GAS6: variants seen among roughly 807,000 people sequenced by gnomAD.
The protein encoded by GAS6 is growth arrest specific 6.
A neutral mutation model predicts 75.8 loss-of-function variants in GAS6; 41 were observed. That is an observed-to-expected ratio of 0.54 (90% CI 0.42 to 0.70). The LOEUF is 0.70. Ranked by LOEUF, GAS6 falls within the 30% of genes least tolerant of loss-of-function variation. The pLI is 0.00. For synonymous variants in GAS6, 432 were observed against 412.6 expected (o/e 1.05, Z -0.57); for missense variants, 854 against 940.2 (o/e 0.91, Z 1.20).
intron 12 of GAS6, among the ~76,000 whole-genome samples, chr13:113,825,580 G>C (rs1314435905): frequency 6.6e-6 from 1 of 152,216 alleles, no homozygotes; most frequent in African/African-American, 2.4e-5. Flanking sequence ...GCAGTCACTG[G>C]AAATGGCCCC....
intron 12 of GAS6, among the ~76,000 whole-genome samples, chr13:113,826,500 CCGGCCTCG>C (rs2051544989): frequency 1.1e-4 from 11 of 97,300 alleles, no homozygotes; most frequent in South Asian, 4.5e-4. Context: ...CCTCCCGGCG[CCGGCCTCG>C]CAGGCACCTT....
intron 14 of GAS6, chr13:113,821,660 CG>C: frequency 2.4e-6 from 1 of 419,604 alleles, no homozygotes; most frequent in African/African-American, 2.0e-5. Flanking sequence ...CCCTCTCCCC[CG>C]GGGCTGGTCT....
At chr13:113,855,350 G>A (rs2051906002) in intron 2 of GAS6, among the ~76,000 whole-genome samples, 1 of 152,210 alleles carries the variant, frequency 6.6e-6, no homozygotes, top group Non-Finnish European at 1.5e-5. Context: ...CCCTCAATAA[G>A]CTACCGGCCT....
chr13:113,823,158 C>T (rs1445934687), intron 13 of GAS6: 4 of 495,454 alleles, frequency 8.1e-6, no homozygotes, highest in Non-Finnish European at 7.1e-6. Flanking sequence ...TCGCAGGCGC[C>T]GGCCCCCTCA....
chr13:113,835,399 G>C, intron 7 of GAS6, 114 bp downstream of exon 7: 1 of 1,237,162 alleles, frequency 8.1e-7, no homozygotes, highest in East Asian at 2.3e-5. Context: ...GGGAGAAAGA[G>C]ACTTTCTTTC....
chr13:113,821,635 C>T (rs952855690), intron 14 of GAS6: 2 of 370,416 alleles, frequency 5.4e-6, no homozygotes, highest in African/African-American at 4.1e-5. Context: ...GCAGCCTGGC[C>T]CGAGGTCTGC....
At position 113,821,055 on chromosome 13, in the gene GAS6, C is replaced by A. The variant is rs1334742271; in HGVS notation, c.1883-37G>T. On this transcript the variant is annotated intron_variant, in intron 14 of 14. Coordinates refer to ENST00000327773, the MANE Select transcript of GAS6 (RefSeq NM_000820.4). ...GGAGAGAACAACATATCTTAGCTCA[C>A]CACGTGGCCGGCCCCGCCTGGCCCC... 4 of 1,596,320 alleles carry A rather than the reference C, an allele frequency of 2.5e-6. No individual in the cohort carries two copies. The Admixed American group carries it at 5.0e-5, about 20-fold the overall frequency.
Position 113,823,480 on chromosome 13 carries a change from G to A in GAS6, c.1548C>T (p.Ala516=), listed in dbSNP as rs149090898. 9 of 1,612,804 alleles carry A rather than the reference G, an allele frequency of 5.6e-6. No homozygotes were observed. Among genetic ancestry groups the A allele is most frequent in the South Asian group, 2.2e-5 (2 of 91,070 alleles). ...EVEVVAHIRP[A]ADTGVLFALW... is the part of the protein sequence containing the mutation. Reference sequence around the variant, plus strand: ...GCGCAAACAGCACGCCTGTGTCTGCGGCTGGGCGGATGTGAGCCACGACTT... The same window carrying A: ...GCGCAAACAGCACGCCTGTGTCTGCAGCTGGGCGGATGTGAGCCACGACTT... The change falls in exon 13 of 15, where the codon GCC becomes GCT. Residue 516 remains alanine, a synonymous_variant. Transcript: ENST00000327773.
At chr13:113,840,023 A>T in intron 4 of GAS6, 173 bp from the exon 5 acceptor site, 2 of 884,768 alleles carry the variant, frequency 2.3e-6, no homozygotes, top group Non-Finnish European at 3.4e-6. Context: ...CCTAGGGCTG[A>T]CAGAATAGGC....
chr13:113,832,785 T>G (rs2051646207), intron 8 of GAS6, 33 bp from the exon 9 acceptor site: 3 of 1,611,662 alleles, frequency 1.9e-6, no homozygotes, highest in African/African-American at 1.3e-5. Flanking sequence ...CGGTCGGGGA[T>G]GTGGCCTTCA....
Position 113,863,718 on chromosome 13 carries a change from C to A in GAS6, c.112G>T (p.Ala38Ser). 1 of 1,501,890 alleles carries A rather than the reference C, an allele frequency of 6.7e-7. No individual in the cohort carries two copies. The allele number at this position is 1,501,890 out of a possible 1,614,324, so 93.0% of individuals were successfully genotyped here. ...TGCCTGGGCCGCAGGAACTGCGTGGCCTCGCGCGCCGGCAACAGCGCGGCT... is the reference window on the plus strand; with the variant it reads ...TGCCTGGGCCGCAGGAACTGCGTGGACTCGCGCGCCGGCAACAGCGCGGCT... ...ALAALLPARE[A>S]TQFLRPRQRR... is the part of the protein sequence containing the mutation. The change falls in exon 2 of 15, where the codon GCC becomes TCC. Residue 38 changes from alanine to serine, a missense_variant. Coordinates refer to ENST00000327773, the MANE Select transcript of GAS6 (RefSeq NM_000820.4). The surrounding 1 kb of genome is among the most constrained non-coding windows in gnomAD (Gnocchi z 9.4).
intron 2 of GAS6, among the ~76,000 whole-genome samples, chr13:113,852,458 G>C (rs2051883369): frequency 6.6e-6 from 1 of 152,182 alleles, no homozygotes; most frequent in Admixed American, 6.5e-5. Flanking sequence ...CTTGGAGGGA[G>C]CTGAGCCCCA....
rs12868938 is a variant in GAS6, at chr13:113,838,644, C to A, written c.467-453G>T. Among the ~76,000 whole-genome samples the A allele has an allele frequency of 1.6e-4, 5 of 32,152 alleles. 1 individual carries two copies. The highest frequency in any genetic ancestry group is 1.2e-3 in the African/African-American group (5 of 4,334). 21.1% of individuals were successfully genotyped at this position (32,152 alleles called of 152,430 possible). On this transcript the variant is annotated intron_variant, in intron 5 of 14. Transcript: ENST00000327773. The stretch of plus-strand genomic sequence containing the variant: ...CCCGGGGGTGCACAGCCCAGCCCCG[C>A]AGCAGGAGGAAGGGACCCCGGGGGT...
chr13:113,826,785 G>C (rs1183208382), intron 12 of GAS6, among the ~76,000 whole-genome samples: 1 of 152,174 alleles, frequency 6.6e-6, no homozygotes, highest in African/African-American at 2.4e-5. Flanking sequence ...TTCTTCACTG[G>C]CTGACTCTGA....
At chr13:113,838,303 G>C in intron 5 of GAS6, 112 bp from the exon 6 acceptor site, 1 of 1,313,724 alleles carries the variant, frequency 7.6e-7, no homozygotes, top group Non-Finnish European at 1.1e-6. Context: ...AGGGAGCCCA[G>C]AGGTGCACAG....
At chr13:113,846,943 C>T (rs1395590147) in intron 3 of GAS6, 3 of 469,736 alleles carry the variant, frequency 6.4e-6, no homozygotes, top group Non-Finnish European at 1.3e-5. Context: ...AGTGGACCCC[C>T]ATTGGGAAAC....
Position 113,828,664 on chromosome 13 carries a change from C to T in GAS6, c.1191G>A (p.Arg397=). Residue 397 remains arginine, a synonymous_variant, in exon 11 of 15, where the codon AGG becomes AGA. Coordinates refer to ENST00000327773, the MANE Select transcript of GAS6 (RefSeq NM_000820.4). ...CCACCGCGATTTTCATGACAGCATC[C>T]CTGTTGACCTTGATGACCAGATTCC... ...LARNLVIKVN[R]DAVMKIAVAG... 6.2e-7 allele frequency: 1 copy of T among 1,613,604 alleles called. No homozygotes were observed. The highest frequency in any genetic ancestry group is 1.1e-5 in the South Asian group (1 of 91,084).
At chr13:113,861,575 G>C (rs568669550) in intron 2 of GAS6, among the ~76,000 whole-genome samples, 1 of 152,324 alleles carries the variant, frequency 6.6e-6, no homozygotes, top group African/African-American at 2.4e-5. Flanking sequence ...GTTGTGCTTG[G>C]ACAGTCCCCT....
At chr13:113,833,185 G>A in intron 8 of GAS6, 1 of 1,124,820 alleles carries the variant, frequency 8.9e-7, no homozygotes, top group Non-Finnish European at 1.1e-6. Flanking sequence ...CAGAACCAAA[G>A]CCGGTGTGAG....
Sources: gnomAD v4.1 joint callset for allele counts (sites outside exome capture counted in the v4.1 genomes callset) on GRCh38, gnomAD v4.1.1 for gene constraint, Gnocchi (gnomAD v3.1) non-coding constraint, MANE v1.5 for transcripts, NCBI Gene and HGNC (gene_info 2026-07-23, HGNC 2026-07-21) for gene names.